The following ROR2 variants were observed in gnomAD, a reference collection of about 807,000 sequenced individuals.
The protein encoded by ROR2 is ROR family WNT receptor 2, also known as tyrosine-protein kinase transmembrane receptor ROR2.
Under a neutral mutation model 74.9 loss-of-function variants are expected in ROR2, and 33 were observed. That is an observed-to-expected ratio of 0.44 (90% CI 0.33 to 0.59). The LOEUF is 0.59. Among genes scored for constraint, ROR2 ranks in the 20% least tolerant of loss-of-function variants. The pLI, the probability that ROR2 is intolerant of heterozygous loss-of-function variation, is 0.02. For missense variants in ROR2, 1,216 were observed against 1,313.8 expected (o/e 0.93, Z 1.15); for synonymous variants, 586 against 558.7 (o/e 1.05, Z -0.69).
chr9:91,741,750 C>T (rs1482253423), intron 4 of ROR2, among the ~76,000 whole-genome samples: 1 of 152,168 alleles, frequency 6.6e-6, no homozygotes, highest in Non-Finnish European at 1.5e-5. Flanking sequence ...CAATCTGTGA[C>T]TCACCAGGAG....
At chr9:91,778,978 AGTTTTATC>A (rs1826515256) in intron 1 of ROR2, among the ~76,000 whole-genome samples, 1 of 152,222 alleles carries the variant, frequency 6.6e-6, no homozygotes, top group Admixed American at 6.5e-5. Context: ...TTCAATATCT[AGTTTTATC>A]CATGTCAAAA....
At chr9:91,732,016 T>C (rs539130839) in intron 6 of ROR2, among the ~76,000 whole-genome samples, 1 of 152,252 alleles carries the variant, frequency 6.6e-6, no homozygotes, top group South Asian at 2.1e-4. Context: ...CCACGGAATA[T>C]AAGGATATGA....
chr9:91,933,995 T>C (rs1241488059), intron 1 of ROR2, among the ~76,000 whole-genome samples: 2 of 152,168 alleles, frequency 1.3e-5, no homozygotes, highest in East Asian at 1.9e-4. Flanking sequence ...TTTTATGTTA[T>C]GCGAATTTTA....
chr9:91,820,410 T>C (rs1273232191), intron 1 of ROR2, among the ~76,000 whole-genome samples: 1 of 152,158 alleles, frequency 6.6e-6, no homozygotes, highest in Non-Finnish European at 1.5e-5. Context: ...AACACATTCA[T>C]CTGGGGTGTC....
At chr9:91,836,410 C>T (rs1358156058) in intron 1 of ROR2, among the ~76,000 whole-genome samples, 1 of 151,960 alleles carries the variant, frequency 6.6e-6, no homozygotes, top group Non-Finnish European at 1.5e-5. Flanking sequence ...CGTAGTGGTG[C>T]GTGCCTGTAG....
chr9:91,851,137 G>T (rs1344485975), intron 1 of ROR2, among the ~76,000 whole-genome samples: 1 of 152,090 alleles, frequency 6.6e-6, no homozygotes, highest in South Asian at 2.1e-4. Flanking sequence ...TGGATCAAGA[G>T]GTCAGGAGAT....
intron 1 of ROR2, among the ~76,000 whole-genome samples, chr9:91,904,054 G>GT (rs371252843): frequency 6.0e-5 from 9 of 149,558 alleles, no homozygotes; most frequent in African/African-American, 2.3e-4. Flanking sequence ...TTTTTTTTGG[G>GT]GGGGGGGACA....
intron 1 of ROR2, among the ~76,000 whole-genome samples, chr9:91,908,621 A>C (rs1830876541): frequency 6.6e-6 from 1 of 152,226 alleles, no homozygotes; most frequent in Non-Finnish European, 1.5e-5. Context: ...GAAATAAACA[A>C]TATCAGTCTC....
chr9:91,874,562 C>T (rs1829902324), intron 1 of ROR2, among the ~76,000 whole-genome samples: 1 of 152,192 alleles, frequency 6.6e-6, no homozygotes, highest in Non-Finnish European at 1.5e-5. Flanking sequence ...AAACATCTGA[C>T]CTCAGCCTGC....
At chr9:91,920,874 C>T (rs2119443325) in intron 1 of ROR2, among the ~76,000 whole-genome samples, 1 of 152,304 alleles carries the variant, frequency 6.6e-6, no homozygotes. Flanking sequence ...CAGGCACGGA[C>T]CAAGGGTGTG....
In ROR2 at chr9:91,884,396, G is replaced by A. The variant is rs191543988; in HGVS notation, c.97+65471C>T. Among the ~76,000 whole-genome samples, 6 of 151,716 alleles carry A rather than the reference G, an allele frequency of 4.0e-5. 1 individual carries two copies. Among genetic ancestry groups the A allele is most frequent in the Middle Eastern group, 6.8e-3 (2 of 294 alleles). On this transcript the variant is annotated intron_variant, in intron 1 of 8. Transcript: ENST00000375708. Reference sequence around the variant, plus strand: ...GTCTCCTCCAGGAGTCATGGGGGGTGGGGGGAGGCTTCAGGCATGACTTGT... The same window carrying A: ...GTCTCCTCCAGGAGTCATGGGGGGTAGGGGGAGGCTTCAGGCATGACTTGT...
At chr9:91,774,930 G>A (rs866176019) in intron 2 of ROR2, among the ~76,000 whole-genome samples, 13 of 152,202 alleles carry the variant, frequency 8.5e-5, no homozygotes, top group African/African-American at 3.1e-4. Context: ...CTATTGGGTC[G>A]GTTTCAGCGG....
intron 1 of ROR2, among the ~76,000 whole-genome samples, chr9:91,830,250 A>T (rs1828424278): frequency 2.6e-5 from 4 of 152,202 alleles, no homozygotes; most frequent in Admixed American, 2.0e-4. Flanking sequence ...GGATCGCCTG[A>T]GCCCAGGAGT....
chr9:91,738,419 T>G (rs1825108188), intron 4 of ROR2, among the ~76,000 whole-genome samples: 1 of 152,038 alleles, frequency 6.6e-6, no homozygotes. Flanking sequence ...CGGGGATGGG[T>G]ATGTGTTTGT....
intron 4 of ROR2, among the ~76,000 whole-genome samples, chr9:91,745,699 T>C (rs1349760330): frequency 6.6e-6 from 1 of 152,158 alleles, no homozygotes; most frequent in Non-Finnish European, 1.5e-5. Context: ...GTGTTGGGAT[T>C]ACAGGCATTG....
intron 1 of ROR2, among the ~76,000 whole-genome samples, chr9:91,882,389 C>T (rs369993246): frequency 6.9e-6 from 1 of 145,566 alleles, no homozygotes; most frequent in Non-Finnish European, 1.5e-5. Flanking sequence ...CCAGCCCAGG[C>T]GACAATGTGA....
chr9:91,949,063 C>G lies in ROR2; in HGVS notation c.97+804G>C, dbSNP rs573281364. Among the ~76,000 whole-genome samples, 21 of 151,902 alleles carry G rather than the reference C, an allele frequency of 1.4e-4. No individual in the cohort carries two copies. In the South Asian group the frequency reaches 4.0e-3, roughly 29 times the overall value. ...GGAAGTGGGGCCCCGGGAGGAAACC[C>G]ACCTAGGAGCCGGGCCCCGCCCCTC... On this transcript the variant is annotated intron_variant, in intron 1 of 8. Coordinates refer to ENST00000375708, the MANE Select transcript of ROR2 (RefSeq NM_004560.4).
intron 1 of ROR2, among the ~76,000 whole-genome samples, chr9:91,782,000 G>C (rs4744098): frequency 0.34 from 50,978 of 152,144 alleles, 8,707 homozygotes; most frequent in Middle Eastern, 0.43. Flanking sequence ...GAATATTTAG[G>C]TGAAGGGGGA....
At chr9:91,853,020 G>A (rs1040052952) in intron 1 of ROR2, among the ~76,000 whole-genome samples, 1 of 152,222 alleles carries the variant, frequency 6.6e-6, no homozygotes, top group Non-Finnish European at 1.5e-5. Flanking sequence ...GTTGTGGGCG[G>A]GGGTGAGGGT....
Sources: allele counts gnomAD v4.1 joint callset (sites outside exome capture counted in the v4.1 genomes callset), GRCh38; gene constraint gnomAD v4.1.1; transcripts MANE v1.5; gene names NCBI Gene and HGNC (gene_info 2026-07-23, HGNC 2026-07-21).